AIG1: variants seen among roughly 807,000 people sequenced by gnomAD.
AIG1 encodes androgen-induced gene 1 protein.
Under a neutral mutation model 31.4 loss-of-function variants are expected in AIG1, and 23 were observed. The observed-to-expected ratio is 0.73, with a 90% CI of 0.53 to 1.04. AIG1 has a LOEUF of 1.04. AIG1 is among the 50% of genes least tolerant of loss of function. AIG1 has a pLI of 0.00. For synonymous variants in AIG1, 100 were observed against 110.5 expected (o/e 0.90, Z 0.60); for missense variants, 274 against 295.0 (o/e 0.93, Z 0.52).
intron 3 of AIG1, among the ~76,000 whole-genome samples, chr6:143,273,265 A>T (rs1796665867): frequency 6.6e-6 from 1 of 152,254 alleles, no homozygotes; most frequent in Non-Finnish European, 1.5e-5. Flanking sequence ...TCTGAAAAGC[A>T]GGTGAATAAC....
intron 3 of AIG1, among the ~76,000 whole-genome samples, chr6:143,277,898 A>T (rs1797057707): frequency 6.6e-6 from 1 of 152,238 alleles, no homozygotes; most frequent in Non-Finnish European, 1.5e-5. Context: ...CACTCTGATT[A>T]TAACTCTCAA....
At chr6:143,219,526 C>A (rs550486409) in intron 3 of AIG1, among the ~76,000 whole-genome samples, 2 of 152,218 alleles carry the variant, frequency 1.3e-5, no homozygotes, top group Non-Finnish European at 2.9e-5. Flanking sequence ...GATTTTCAAG[C>A]CTTGGAGTTG....
At chr6:143,154,973 G>T (rs1785595521) in intron 2 of AIG1, among the ~76,000 whole-genome samples, 1 of 150,708 alleles carries the variant, frequency 6.6e-6, no homozygotes, top group African/African-American at 2.4e-5. Context: ...TCAGCCTCCT[G>T]AATAGCTGAG....
chr6:143,090,419 C>T (rs182982714), intron 1 of AIG1, among the ~76,000 whole-genome samples: 19 of 152,152 alleles, frequency 1.2e-4, no homozygotes, highest in African/African-American at 4.3e-4. Context: ...AATTTATAGT[C>T]GATCTGTTTT....
chr6:143,116,276 C>T (rs1225261645), intron 1 of AIG1, among the ~76,000 whole-genome samples: 1 of 152,106 alleles, frequency 6.6e-6, no homozygotes, highest in Non-Finnish European at 1.5e-5. Flanking sequence ...AAATAATGGG[C>T]TTTCAGTCAG....
intron 4 of AIG1, among the ~76,000 whole-genome samples, chr6:143,301,948 G>T (rs2128698103): frequency 6.6e-6 from 1 of 152,264 alleles, no homozygotes; most frequent in South Asian, 2.1e-4. Context: ...CTTTTAAGCA[G>T]CTGTCCGCTA....
rs1181616292 is a variant in AIG1 at position 143,331,232 on chromosome 6, A to G, written c.516-2050A>G. 6.6e-6 allele frequency among the ~76,000 whole-genome samples: 1 copy of G among 152,150 alleles called. No homozygotes were observed. The highest frequency in any genetic ancestry group is 2.4e-5 in the African/African-American group (1 of 41,428). ...ATATTTGTCATTTTAGCTATTTGCA[A>G]GTATACTATTTAATGTCCTTAAATG... On this transcript the variant is annotated intron_variant, in intron 4 of 5. Coordinates refer to ENST00000357847, the MANE Select transcript of AIG1 (RefSeq NM_016108.4). This position sits in a 1 kb window ranked among gnomAD's most constrained non-coding sequence, Gnocchi z 4.1.
At chr6:143,179,127 A>G (rs542763045) in intron 3 of AIG1, among the ~76,000 whole-genome samples, 1 of 152,146 alleles carries the variant, frequency 6.6e-6, no homozygotes, top group Non-Finnish European at 1.5e-5. Context: ...TTTGAATGTC[A>G]CTAGACCACT....
chr6:143,142,313 A>T (rs529701372), intron 2 of AIG1, among the ~76,000 whole-genome samples: 46 of 152,136 alleles, frequency 3.0e-4, no homozygotes, highest in Non-Finnish European at 5.9e-4. Flanking sequence ...GCCTCAAATG[A>T]TTCTCCTGCC....
rs1321099736 is a variant in AIG1 at position 143,165,237 on chromosome 6, G to T, written c.399+54G>T. 8.8e-6 allele frequency: 12 copies of T among 1,361,052 alleles called. No individual in the cohort carries two copies. The South Asian group carries it at 1.3e-4, about 15-fold the overall frequency. The allele number at this position is 1,361,052 out of a possible 1,614,324, so 84.3% of individuals were successfully genotyped here. A position where few individuals can be genotyped will look rare whatever the true frequency, so the allele number is the denominator to read the frequency against. On this transcript the variant is annotated intron_variant, in intron 3 of 5. Transcript: ENST00000357847. Reference sequence around the variant, plus strand: ...TTTATTTTAAAAAATCTATTAAATAGCTATGATCTGCTATTTAGACCTTCC... The same window carrying T: ...TTTATTTTAAAAAATCTATTAAATATCTATGATCTGCTATTTAGACCTTCC...
At chr6:143,128,966 A>G (rs1405968925) in intron 1 of AIG1, among the ~76,000 whole-genome samples, 4 of 152,198 alleles carry the variant, frequency 2.6e-5, no homozygotes, top group Admixed American at 6.5e-5. Flanking sequence ...CATAACCCAA[A>G]CATGTCCTCT....
chr6:143,285,778 G>A (rs753020798), intron 4 of AIG1, among the ~76,000 whole-genome samples: 10 of 152,138 alleles, frequency 6.6e-5, no homozygotes, highest in Admixed American at 1.3e-4. Flanking sequence ...AAAACCTTAA[G>A]TGTTGACTTT....
intron 3 of AIG1, among the ~76,000 whole-genome samples, chr6:143,230,557 TATA>T (rs1415001452): frequency 6.7e-6 from 1 of 149,886 alleles, no homozygotes; most frequent in Non-Finnish European, 1.5e-5. Context: ...ATATTACAAC[TATA>T]ATATGATTAA....
At chr6:143,088,100 G>C (rs1394154207) in intron 1 of AIG1, among the ~76,000 whole-genome samples, 1 of 152,166 alleles carries the variant, frequency 6.6e-6, no homozygotes, top group Non-Finnish European at 1.5e-5. Context: ...AAGAGAGCAG[G>C]AATGGCTTTC....
intron 1 of AIG1, among the ~76,000 whole-genome samples, chr6:143,066,047 G>A (rs551795614): frequency 7.9e-5 from 12 of 152,194 alleles, no homozygotes; most frequent in East Asian, 5.8e-4. Flanking sequence ...CTCAAAGTGC[G>A]GGCTGAGGAC....
At chr6:143,075,760 C>G (rs1296723937) in intron 1 of AIG1, among the ~76,000 whole-genome samples, 3 of 152,124 alleles carry the variant, frequency 2.0e-5, no homozygotes, top group African/African-American at 2.4e-5. Flanking sequence ...AAATTTTACC[C>G]TAGGCACCAC....
rs563889274 is a variant in AIG1, at chr6:143,270,511, C to T, written c.400-13599C>T. On this transcript the variant is annotated intron_variant, in intron 3 of 5. Coordinates refer to ENST00000357847, the MANE Select transcript of AIG1 (RefSeq NM_016108.4). The stretch of plus-strand genomic sequence containing the variant: ...TTTCTTTTTGCAAAGCCAAAGACTA[C>T]GGAGAAAAGGTTTTGAGCTGTGAGC... 5.3e-5 allele frequency among the ~76,000 whole-genome samples: 8 copies of T among 152,314 alleles called. No homozygotes were observed. In the South Asian group the frequency reaches 6.2e-4, roughly 12 times the overall value.
At position 143,333,044 on chromosome 6, in the gene AIG1, AG is replaced by A. The variant is rs1392508728; in HGVS notation, c.516-234del. Among the ~76,000 whole-genome samples the A allele has an allele frequency of 6.6e-6, 1 of 152,228 alleles. No homozygotes were observed. The highest frequency in any genetic ancestry group is 1.5e-5 in the Non-Finnish European group (1 of 68,032). ...CAGGATTATACAAGATGTTAACATGAGGGGAAGCTGAGTGTGTTGTGCTTCT... is the reference window on the plus strand; with the variant it reads ...CAGGATTATACAAGATGTTAACATGAGGGAAGCTGAGTGTGTTGTGCTTCT... On this transcript the variant is annotated intron_variant, in intron 4 of 5. Coordinates refer to ENST00000357847, the MANE Select transcript of AIG1 (RefSeq NM_016108.4). This position sits in a 1 kb window ranked among gnomAD's most constrained non-coding sequence, Gnocchi z 4.6.
chr6:143,255,100 A>G lies in AIG1; in HGVS notation c.400-29010A>G, dbSNP rs17072381. 9.4e-3 allele frequency among the ~76,000 whole-genome samples: 1,438 copies of G among 152,304 alleles called. 44 individuals are homozygous for G. Among genetic ancestry groups the G allele is most frequent in the East Asian group, 0.065 (338 of 5,192 alleles). On this transcript the variant is annotated intron_variant, in intron 3 of 5. Coordinates refer to ENST00000357847, the MANE Select transcript of AIG1 (RefSeq NM_016108.4). ...ATCTTAGGTAAACTCTCACATAAGA[A>G]CATCATCCAGCATGACTGCATAGAA...
Sources: gnomAD v4.1 joint callset for allele counts (sites outside exome capture counted in the v4.1 genomes callset) on GRCh38, gnomAD v4.1.1 for gene constraint, Gnocchi (gnomAD v3.1) non-coding constraint, MANE v1.5 for transcripts, NCBI Gene and HGNC (gene_info 2026-07-23, HGNC 2026-07-21) for gene names.